KCNIP4: variants seen among roughly 807,000 people sequenced by gnomAD.
KCNIP4 encodes the protein Kv channel-interacting protein 4.
A neutral mutation model predicts 34.0 loss-of-function variants in KCNIP4; 12 were observed. That is an observed-to-expected ratio of 0.35 (90% confidence interval 0.23 to 0.57). KCNIP4 has a LOEUF of 0.57. KCNIP4 is among the 20% of genes least tolerant of loss of function. KCNIP4 has a pLI of 0.83. For synonymous variants in KCNIP4, 124 were observed against 102.2 expected, an observed-to-expected ratio of 1.21 and a Z score of -1.29; for missense variants, 238 against 311.7, an observed-to-expected ratio of 0.76 and a Z score of 1.78.
intron 1 of KCNIP4, among the ~76,000 whole-genome samples, chr4:21,035,874 A>T (rs2149770968): frequency 6.6e-6 from 1 of 152,258 alleles, no homozygotes; most frequent in South Asian, 2.1e-4. Context: ...AGAGGCAGAG[A>T]GTGGGACGTG....
At chr4:20,880,897 T>G (rs1724609975) in intron 2 of KCNIP4, among the ~76,000 whole-genome samples, 1 of 152,170 alleles carries the variant, frequency 6.6e-6, no homozygotes, top group Admixed American at 6.5e-5. Context: ...ATGGTGTGCA[T>G]GTGTGTGCAA....
intron 3 of KCNIP4, among the ~76,000 whole-genome samples, chr4:20,808,225 A>G (rs1715313800): frequency 6.6e-6 from 1 of 152,218 alleles, no homozygotes; most frequent in African/African-American, 2.4e-5. Flanking sequence ...CATTATCATT[A>G]CAGAAGAGCG....
At chr4:21,272,337 A>G (rs2109138317) in intron 1 of KCNIP4, among the ~76,000 whole-genome samples, 1 of 152,350 alleles carries the variant, frequency 6.6e-6, no homozygotes, top group Middle Eastern at 3.4e-3. Flanking sequence ...ATTCATATAT[A>G]AAAACAACAC....
chr4:21,644,326 C>T (rs1241052779), intron 1 of KCNIP4, among the ~76,000 whole-genome samples: 1 of 152,100 alleles, frequency 6.6e-6, no homozygotes, highest in Non-Finnish European at 1.5e-5. Context: ...TTACAGAACT[C>T]ATGTCCAACC....
chr4:21,078,328 G>T (rs1000616336), intron 1 of KCNIP4, among the ~76,000 whole-genome samples: 11 of 152,064 alleles, frequency 7.2e-5, no homozygotes, highest in Non-Finnish European at 1.3e-4. Flanking sequence ...ATGCTGAGTG[G>T]TGTAAACAGT....
At chr4:20,823,575 T>A (rs1157969827) in intron 3 of KCNIP4, among the ~76,000 whole-genome samples, 3 of 152,038 alleles carry the variant, frequency 2.0e-5, no homozygotes, top group African/African-American at 7.2e-5. Context: ...AAGCTTGCTT[T>A]CTCTCTCTGC....
At chr4:20,875,008 C>T (rs777681849) in intron 2 of KCNIP4, among the ~76,000 whole-genome samples, 3 of 151,920 alleles carry the variant, frequency 2.0e-5, no homozygotes, top group South Asian at 2.1e-4. Context: ...GAAATAATGC[C>T]GTCTCAATGG....
chr4:21,097,243 C>T (rs755690068), intron 1 of KCNIP4, among the ~76,000 whole-genome samples: 5 of 152,060 alleles, frequency 3.3e-5, no homozygotes, highest in African/African-American at 4.8e-5. Flanking sequence ...CATAGCCATA[C>T]AACAGAACAT....
At chr4:20,967,403 T>C (rs1335245966) in intron 1 of KCNIP4, among the ~76,000 whole-genome samples, 1 of 152,166 alleles carries the variant, frequency 6.6e-6, no homozygotes, top group African/African-American at 2.4e-5. Flanking sequence ...TACCAATGAC[T>C]TTCTTCACAG....
chr4:21,070,926 C>T (rs561720801), intron 1 of KCNIP4, among the ~76,000 whole-genome samples: 4 of 151,982 alleles, frequency 2.6e-5, no homozygotes, highest in East Asian at 1.9e-4. Context: ...CTGCCCACCT[C>T]GGCTTCCCAA....
intron 3 of KCNIP4, among the ~76,000 whole-genome samples, chr4:20,801,772 A>G (rs967611340): frequency 9.9e-5 from 15 of 152,138 alleles, no homozygotes; most frequent in Non-Finnish European, 1.9e-4. Flanking sequence ...GGAAGAAAGG[A>G]TCGACAGAGC....
rs770366497 is a variant in KCNIP4 at position 21,304,030 on chromosome 4, T to TGA, written c.62-421323_62-421322dup. ...GGAGAAAGGGGAGGAGGAGAGCGTATGAGAGAGAGAGAGAGAGAGAGAGAG... is the reference window on the plus strand; with the variant it reads ...GGAGAAAGGGGAGGAGGAGAGCGTATGAGAGAGAGAGAGAGAGAGAGAGAGAG... On this transcript the variant is annotated intron_variant, in intron 1 of 8. Coordinates refer to ENST00000382152, the MANE Select transcript of KCNIP4 (RefSeq NM_025221.6). The TGA allele has an allele frequency of 4.8e-3, 1,392 of 288,572 alleles. 57 individuals are homozygous for TGA. Among genetic ancestry groups the TGA allele is most frequent in the East Asian group, 8.2e-3 (50 of 6,094 alleles). 17.9% of individuals were successfully genotyped at this position (288,572 alleles called of 1,614,324 possible). A position where few individuals can be genotyped will look rare whatever the true frequency, so the allele number is the denominator to read the frequency against.
chr4:21,260,254 A>C (rs756776824), intron 1 of KCNIP4, among the ~76,000 whole-genome samples: 7 of 152,182 alleles, frequency 4.6e-5, no homozygotes, highest in Admixed American at 1.3e-4. Flanking sequence ...TTAATGTACC[A>C]ATGAATTACG....
At chr4:20,938,429 C>T (rs1731301045) in intron 1 of KCNIP4, among the ~76,000 whole-genome samples, 1 of 152,162 alleles carries the variant, frequency 6.6e-6, no homozygotes, top group East Asian at 1.9e-4. Context: ...ATCCATTTTA[C>T]CAGTCTCCAT....
chr4:20,782,040 T>A (rs12650898), intron 3 of KCNIP4, among the ~76,000 whole-genome samples: 72,689 of 151,886 alleles, frequency 0.48, 17,731 homozygotes, highest in East Asian at 0.7. Context: ...CACAGGGCCC[T>A]TGCAAGTCCA....
At chr4:20,822,172 A>G (rs1244722589) in intron 3 of KCNIP4, among the ~76,000 whole-genome samples, 1 of 152,232 alleles carries the variant, frequency 6.6e-6, no homozygotes, top group African/African-American at 2.4e-5. Flanking sequence ...TACATCCAAT[A>G]AAGGACTAAT....
chr4:21,155,793 T>A (rs1051507621), intron 1 of KCNIP4, among the ~76,000 whole-genome samples: 2 of 152,206 alleles, frequency 1.3e-5, no homozygotes, highest in African/African-American at 4.8e-5. Context: ...GTTAGATAAA[T>A]GCATGTAAAC....
At chr4:21,121,408 TTTTC>T (rs2109135917) in intron 1 of KCNIP4, among the ~76,000 whole-genome samples, 1 of 152,332 alleles carries the variant, frequency 6.6e-6, no homozygotes, top group East Asian at 1.9e-4. Flanking sequence ...CATCTTGCTG[TTTTC>T]TTTGTTTAAT....
chr4:21,470,724 C>T (rs534062034), intron 1 of KCNIP4, among the ~76,000 whole-genome samples: 2 of 152,112 alleles, frequency 1.3e-5, no homozygotes, highest in African/African-American at 2.4e-5. Context: ...CCCCAAAGAG[C>T]TTGTGGTGAC....
Sources: gnomAD v4.1 joint callset for allele counts (sites outside exome capture counted in the v4.1 genomes callset) on GRCh38, gnomAD v4.1.1 for gene constraint, MANE v1.5 for transcripts, NCBI Gene and HGNC (gene_info 2026-07-23, HGNC 2026-07-21) for gene names.